The following SOX5 variants were observed in gnomAD, a reference collection of about 807,000 sequenced individuals.
SOX5 encodes the protein SRY-box transcription factor 5.
In SOX5, 9 loss-of-function variants were observed where a neutral mutation model predicts 92.0. The ratio of observed to expected loss-of-function variants is 0.10; its 90% CI spans 0.06 to 0.17. The LOEUF is 0.17. Among genes scored for constraint, SOX5 ranks in the 10% least tolerant of loss-of-function variants. The pLI, the probability that SOX5 is intolerant of heterozygous loss-of-function variation, is 1.00. For missense variants in SOX5, 642 were observed against 944.5 expected (o/e 0.68, Z 4.20); for synonymous variants, 344 against 336.3 (o/e 1.02, Z -0.25).
At chr12:24,350,581 C>T (rs1235430217) in intron 2 of SOX5, among the ~76,000 whole-genome samples, 2 of 152,072 alleles carry the variant, frequency 1.3e-5, no homozygotes, top group East Asian at 1.9e-4. Context: ...TGGGCTCAAG[C>T]GAGCCTCCTG....
At chr12:24,315,506 A>G (rs1949615060) in intron 2 of SOX5, among the ~76,000 whole-genome samples, 1 of 152,158 alleles carries the variant, frequency 6.6e-6, no homozygotes, top group African/African-American at 2.4e-5. Flanking sequence ...TTTGTGCATC[A>G]TAATTTATAT....
intron 4 of SOX5, among the ~76,000 whole-genome samples, chr12:23,970,542 CAT>C (rs1364722190): frequency 6.6e-6 from 1 of 151,714 alleles, no homozygotes; most frequent in East Asian, 1.9e-4. Context: ...TAAGTGTAGT[CAT>C]AGAGTATTTT....
At position 23,661,130 on chromosome 12, in the gene SOX5, T is replaced by C. The variant is rs576953182; in HGVS notation, c.931+4314A>G. Among the ~76,000 whole-genome samples, 25 of 152,364 alleles carry C rather than the reference T, an allele frequency of 1.6e-4. No individual in the cohort carries two copies. The East Asian group carries it at 4.2e-3, about 26-fold the overall frequency. The stretch of plus-strand genomic sequence containing the variant: ...TTATAATTGTTTGTTTTATACTGCA[T>C]ATAGTAAATGGATTATTTTATCGGA... On this transcript the variant is annotated intron_variant, in intron 7 of 14. Transcript: ENST00000451604.
intron 2 of SOX5, among the ~76,000 whole-genome samples, chr12:24,287,474 A>T (rs1303832122): frequency 2.0e-5 from 3 of 150,638 alleles, no homozygotes; most frequent in African/African-American, 7.3e-5. Context: ...AAGCCCTTCC[A>T]CCACTCCTTC....
At chr12:24,225,671 A>C (rs775916989) in intron 3 of SOX5, among the ~76,000 whole-genome samples, 1 of 152,216 alleles carries the variant, frequency 6.6e-6, no homozygotes. Flanking sequence ...TTAAAGCAGA[A>C]AGACAATATG....
intron 1 of SOX5, among the ~76,000 whole-genome samples, chr12:24,495,806 TG>T (rs1947573043): frequency 6.6e-6 from 1 of 152,010 alleles, no homozygotes; most frequent in African/African-American, 2.4e-5. Flanking sequence ...ACCACAAGGA[TG>T]GGGGAGGGTG....
intron 6 of SOX5, among the ~76,000 whole-genome samples, chr12:23,725,473 AC>A (rs1011050223): frequency 6.6e-5 from 10 of 151,958 alleles, no homozygotes; most frequent in Admixed American, 2.6e-4. Flanking sequence ...GGAAAGATCC[AC>A]CCCCATGATT....
intron 11 of SOX5, among the ~76,000 whole-genome samples, chr12:23,551,724 G>C (rs1032136832): frequency 1.3e-5 from 2 of 151,676 alleles, no homozygotes; most frequent in African/African-American, 4.8e-5. Flanking sequence ...TCAGGGGATG[G>C]AAAGGTCCAT....
intron 2 of SOX5, among the ~76,000 whole-genome samples, chr12:23,869,886 A>T (rs2096855021): frequency 6.6e-6 from 1 of 152,136 alleles, no homozygotes; most frequent in Admixed American, 6.5e-5. Context: ...CACAGCCACA[A>T]TTAAGACTTT....
chr12:24,199,037 G>A (rs1936532396), intron 4 of SOX5, among the ~76,000 whole-genome samples: 1 of 152,154 alleles, frequency 6.6e-6, no homozygotes, highest in Non-Finnish European at 1.5e-5. Context: ...GAGAGGCTGG[G>A]ATGTCCCCTT....
At chr12:23,555,812 A>ACTC (rs1945054266) in intron 11 of SOX5, among the ~76,000 whole-genome samples, 2 of 152,306 alleles carry the variant, frequency 1.3e-5, no homozygotes, top group Admixed American at 1.3e-4. Context: ...CAGTCTGCAG[A>ACTC]CTCGGCATGT....
At chr12:24,132,210 C>A (rs961219018) in intron 4 of SOX5, among the ~76,000 whole-genome samples, 1 of 152,046 alleles carries the variant, frequency 6.6e-6, no homozygotes, top group South Asian at 2.1e-4. Flanking sequence ...TCAGACAATG[C>A]CCATGACCAA....
chr12:23,740,772 C>T, intron 5 of SOX5, 95 bp downstream of exon 5: 2 of 1,037,316 alleles, frequency 1.9e-6, no homozygotes, highest in Non-Finnish European at 2.7e-6. Flanking sequence ...GTGGAAGGGA[C>T]TCTTATTCAT....
chr12:24,414,591 T>A (rs935234890), intron 1 of SOX5, among the ~76,000 whole-genome samples: 1 of 152,178 alleles, frequency 6.6e-6, no homozygotes, highest in Non-Finnish European at 1.5e-5. Context: ...GAGACAGCCA[T>A]CTGCCTGCCT....
intron 3 of SOX5, among the ~76,000 whole-genome samples, chr12:24,272,436 T>G (rs1169737296): frequency 6.6e-6 from 1 of 152,208 alleles, no homozygotes; most frequent in East Asian, 1.9e-4. Context: ...ATAGCAAATA[T>G]CCTTGTCTTG....
intron 4 of SOX5, among the ~76,000 whole-genome samples, chr12:23,970,828 A>G (rs1397356414): frequency 9.2e-5 from 1 of 10,910 alleles, no homozygotes. Flanking sequence ...ATGGGACTTT[A>G]TATATATATA....
chr12:24,001,673 C>T (rs1176336589), intron 4 of SOX5, among the ~76,000 whole-genome samples: 1 of 152,026 alleles, frequency 6.6e-6, no homozygotes, highest in Non-Finnish European at 1.5e-5. Flanking sequence ...TTTAAAAATG[C>T]ATTTGTAATC....
intron 3 of SOX5, among the ~76,000 whole-genome samples, chr12:23,800,877 T>C (rs1446303905): frequency 6.6e-6 from 1 of 152,106 alleles, no homozygotes; most frequent in East Asian, 1.9e-4. Context: ...CCTTATAGGA[T>C]TGCAATAGGA....
intron 6 of SOX5, among the ~76,000 whole-genome samples, chr12:23,703,175 T>G (rs2090908310): frequency 6.6e-6 from 1 of 152,078 alleles, no homozygotes; most frequent in African/African-American, 2.4e-5. Context: ...ACAGGTTTGC[T>G]GGCACAAGCA....
Sources: allele counts gnomAD v4.1 joint callset (sites outside exome capture counted in the v4.1 genomes callset), GRCh38; gene constraint gnomAD v4.1.1; transcripts MANE v1.5; gene names NCBI Gene and HGNC (gene_info 2026-07-23, HGNC 2026-07-21).